RBFOX1: variants seen among roughly 807,000 people sequenced by gnomAD.
RBFOX1 encodes the protein RNA binding protein fox-1 homolog 1.
RBFOX1 carries 8 observed loss-of-function variants against 57.7 expected under a neutral mutation model. The ratio of observed to expected loss-of-function variants is 0.14; its 90% CI spans 0.08 to 0.25. The LOEUF (loss-of-function observed/expected upper bound fraction) is 0.25. Among genes scored for constraint, RBFOX1 ranks in the 10% least tolerant of loss-of-function variants. The pLI is 1.00. For missense variants in RBFOX1, 611 were observed against 548.5 expected (o/e 1.11, Z -1.14); for synonymous variants, 326 against 222.4 (o/e 1.47, Z -4.15).
At chr16:7,195,017 A>G (rs547361964) in intron 4 of RBFOX1, among the ~76,000 whole-genome samples, 10 of 151,382 alleles carry the variant, frequency 6.6e-5, no homozygotes, top group South Asian at 4.2e-4. Context: ...ATTGGTTCTT[A>G]ATTAGTTGTT....
chr16:6,366,926 T>C (rs1440364189), intron 2 of RBFOX1, among the ~76,000 whole-genome samples: 2 of 152,240 alleles, frequency 1.3e-5, no homozygotes, highest in African/African-American at 4.8e-5. Flanking sequence ...TGACTGTGTG[T>C]CACCTTTCAC....
At chr16:5,603,827 G>T (rs529959201), downstream of RBFOX1, among the ~76,000 whole-genome samples, 2 of 152,314 alleles carry the variant, frequency 1.3e-5, no homozygotes, top group South Asian at 2.1e-4. Context: ...TTCCTTTTGG[G>T]TTCACTCTGG....
intron 4 of RBFOX1, among the ~76,000 whole-genome samples, chr16:7,131,142 C>G (rs75099501): frequency 2.6e-4 from 40 of 151,832 alleles, no homozygotes; most frequent in Non-Finnish European, 5.1e-4. Flanking sequence ...GCCAGGAGTT[C>G]GAAACAAGCC....
chr16:6,829,000 C>G (rs1446950201), intron 3 of RBFOX1, among the ~76,000 whole-genome samples: 1 of 152,122 alleles, frequency 6.6e-6, no homozygotes, highest in African/African-American at 2.4e-5. Context: ...TGTACTTCCA[C>G]TGTTGCCTGA....
rs114532477 is a variant in RBFOX1 at position 6,166,275 on chromosome 16, A to C, written c.-127+146283A>C. Among the ~76,000 whole-genome samples the C allele has an allele frequency of 5.0e-3, 764 of 152,118 alleles. 4 individuals are homozygous for C. Among genetic ancestry groups the C allele is most frequent in the African/African-American group, 0.017 (720 of 41,492 alleles). ...CCTGGTGAACTTGTTGACTCTATGC[A>C]CATAAGGACTCTCTGGGGTCCAAAT... On this transcript the variant is annotated intron_variant, in intron 1 of 15. Transcript: ENST00000550418.
chr16:7,613,542 A>G (rs2057923231), intron 10 of RBFOX1, among the ~76,000 whole-genome samples: 2 of 152,160 alleles, frequency 1.3e-5, no homozygotes, highest in African/African-American at 4.8e-5. Context: ...CTCAGTATGA[A>G]GTTTAAAAAT....
chr16:7,178,842 G>C lies in RBFOX1; in HGVS notation c.27+126744G>C, dbSNP rs573136897. On this transcript the variant is annotated intron_variant, in intron 4 of 15. Coordinates refer to ENST00000550418, the MANE Select transcript of RBFOX1 (RefSeq NM_018723.4). The stretch of plus-strand genomic sequence containing the variant: ...TGTTATTCTGCAAGTTATGTATAAG[G>C]AACATACTTCATACTTCTTTACTTC... Among the ~76,000 whole-genome samples the C allele has an allele frequency of 5.3e-5, 8 of 152,234 alleles. No individual in the cohort carries two copies. The South Asian group carries it at 1.7e-3, about 32-fold the overall frequency.
chr16:6,088,689 C>G (rs17139348), intron 1 of RBFOX1, among the ~76,000 whole-genome samples: 4,297 of 152,282 alleles, frequency 0.028, 94 homozygotes, highest in Admixed American at 0.057. Context: ...AGGTTCAGTG[C>G]TTTTCAGGGA....
At chr16:7,396,133 A>G (rs560221076) in intron 4 of RBFOX1, among the ~76,000 whole-genome samples, 23 of 152,186 alleles carry the variant, frequency 1.5e-4, no homozygotes, top group Non-Finnish European at 2.8e-4. Context: ...TCTTTTGCCA[A>G]TAACCAGGGC....
At chr16:7,000,382 C>T (rs2092675847) in intron 3 of RBFOX1, among the ~76,000 whole-genome samples, 1 of 152,020 alleles carries the variant, frequency 6.6e-6, no homozygotes. Flanking sequence ...GTACCACCTC[C>T]AACTCAGTGT....
intron 3 of RBFOX1, among the ~76,000 whole-genome samples, chr16:6,861,016 C>A (rs145368042): frequency 9.2e-5 from 14 of 152,212 alleles, no homozygotes; most frequent in African/African-American, 3.4e-4. Flanking sequence ...CAGCAGTATG[C>A]CCACCACTGT....
At chr16:7,524,244 G>T (rs2078169644) in intron 5 of RBFOX1, among the ~76,000 whole-genome samples, 1 of 152,162 alleles carries the variant, frequency 6.6e-6, no homozygotes, top group Non-Finnish European at 1.5e-5. Flanking sequence ...AACACAAAGT[G>T]CAGAATCTGT....
intron 3 of RBFOX1, among the ~76,000 whole-genome samples, chr16:5,707,813 A>G (rs1462060148): frequency 2.0e-5 from 3 of 152,234 alleles, no homozygotes; most frequent in Admixed American, 1.3e-4. Flanking sequence ...GACACTTGAC[A>G]AAGATTTATT....
chr16:5,664,614 C>T (rs564343308), intron 3 of RBFOX1, among the ~76,000 whole-genome samples: 1 of 152,246 alleles, frequency 6.6e-6, no homozygotes, highest in African/African-American at 2.4e-5. Context: ...ATCTGATATG[C>T]AGCAAACTCC....
At chr16:5,320,919 C>T (rs1405335224) in intron 1 of RBFOX1, among the ~76,000 whole-genome samples, 2 of 152,200 alleles carry the variant, frequency 1.3e-5, no homozygotes. Flanking sequence ...GCGGCCCTGC[C>T]TCTGGCTGAC....
At chr16:6,326,866 G>A (rs1021067849) in intron 2 of RBFOX1, among the ~76,000 whole-genome samples, 6 of 152,108 alleles carry the variant, frequency 3.9e-5, no homozygotes, top group African/African-American at 9.7e-5. Flanking sequence ...CACTACAGCC[G>A]GTGCAGGTGT....
At chr16:5,702,408 G>A (rs190166803) in intron 3 of RBFOX1, among the ~76,000 whole-genome samples, 26 of 152,270 alleles carry the variant, frequency 1.7e-4, no homozygotes, top group East Asian at 5.8e-4. Flanking sequence ...ACCTCCCACC[G>A]TGTCCCTCCT....
intron 2 of RBFOX1, among the ~76,000 whole-genome samples, chr16:6,604,298 T>C (rs1467791375): frequency 6.6e-6 from 1 of 152,202 alleles, no homozygotes; most frequent in Non-Finnish European, 1.5e-5. Context: ...CAATAAATAT[T>C]ATTGTTGATC....
chr16:7,252,935 C>T (rs990698369), intron 4 of RBFOX1, among the ~76,000 whole-genome samples: 16 of 152,134 alleles, frequency 1.1e-4, no homozygotes, highest in African/African-American at 3.9e-4. Flanking sequence ...TGTGTAATCA[C>T]ACACATTTTG....
Sources: gnomAD v4.1 joint callset for allele counts (sites outside exome capture counted in the v4.1 genomes callset) on GRCh38, gnomAD v4.1.1 for gene constraint, MANE v1.5 for transcripts, NCBI Gene and HGNC (gene_info 2026-07-23, HGNC 2026-07-21) for gene names.